The following FAM135A variants were observed in gnomAD, a reference collection of about 807,000 sequenced individuals.
FAM135A encodes protein FAM135A.
Under a neutral mutation model 146.8 loss-of-function variants are expected in FAM135A, and 79 were observed. The observed-to-expected ratio is 0.54, with a 90% CI of 0.45 to 0.65. FAM135A has a LOEUF of 0.65. Ranked by LOEUF, FAM135A falls within the 30% of genes least tolerant of loss-of-function variation. The pLI is 0.00. For missense variants in FAM135A, 1,623 were observed against 1,758.2 expected, an observed-to-expected ratio of 0.92 and a Z score of 1.38; for synonymous variants, 562 against 603.6, an observed-to-expected ratio of 0.93 and a Z score of 1.01.
At chr6:70,537,135 C>G (rs1330635994) in intron 19 of FAM135A, among the ~76,000 whole-genome samples, 2 of 151,986 alleles carry the variant, frequency 1.3e-5, no homozygotes, top group South Asian at 4.1e-4. Flanking sequence ...GGGGTTTCAC[C>G]ATGTTGGCCA....
chr6:70,506,026 AG>A (rs1465803995), intron 12 of FAM135A, among the ~76,000 whole-genome samples: 1 of 152,204 alleles, frequency 6.6e-6, no homozygotes, highest in Non-Finnish European at 1.5e-5. Flanking sequence ...GTAGCAATTT[AG>A]AATGAATAGC....
chr6:70,422,809 A>G (rs2127726719), intron 2 of FAM135A, among the ~76,000 whole-genome samples: 1 of 152,356 alleles, frequency 6.6e-6, no homozygotes, highest in South Asian at 2.1e-4. Context: ...TAAGTTGAGT[A>G]CTATGTGCCA....
At chr6:70,522,214 G>T (rs961607535) in intron 12 of FAM135A, among the ~76,000 whole-genome samples, 1 of 152,166 alleles carries the variant, frequency 6.6e-6, no homozygotes, top group Non-Finnish European at 1.5e-5. Flanking sequence ...ACCACGCCTG[G>T]CCCATAGCTT....
intron 11 of FAM135A, among the ~76,000 whole-genome samples, chr6:70,494,601 A>G (rs1185301188): frequency 6.6e-6 from 1 of 151,966 alleles, no homozygotes; most frequent in African/African-American, 2.4e-5. Context: ...TTTTTAATAT[A>G]AAAAAGAATT....
At chr6:70,496,548 T>C (rs1787319016) in intron 11 of FAM135A, among the ~76,000 whole-genome samples, 1 of 152,208 alleles carries the variant, frequency 6.6e-6, no homozygotes, top group Non-Finnish European at 1.5e-5. Context: ...CCCATTGCTT[T>C]TGGTGTTTTA....
At chr6:70,557,182 G>A (rs1339389749) in intron 21 of FAM135A, 6 of 408,328 alleles carry the variant, frequency 1.5e-5, no homozygotes, top group African/African-American at 2.0e-5. Context: ...GCTGTACCTC[G>A]CTTTTACGCA....
intron 4 of FAM135A, among the ~76,000 whole-genome samples, chr6:70,437,692 T>A (rs558678471): frequency 2.0e-5 from 3 of 152,226 alleles, no homozygotes; most frequent in African/African-American, 7.2e-5. Context: ...CAGAGCACGA[T>A]GGGAGAGAGT....
Position 70,459,930 on chromosome 6 carries a change from C to T in FAM135A, c.157+7359C>T, listed in dbSNP as rs190912649. 3.1e-3 allele frequency among the ~76,000 whole-genome samples: 473 copies of T among 152,230 alleles called. 3 individuals are homozygous for T. Among genetic ancestry groups the T allele is most frequent in the African/African-American group, 0.011 (448 of 41,534 alleles). ...CCTGTAATTCCCGCTACTTGGGAGG[C>T]TGAGGCAAGAGAATCGCTTGAACCT... On this transcript the variant is annotated intron_variant, in intron 5 of 21. Transcript: ENST00000418814.
In FAM135A at chr6:70,556,799, C is replaced by T. The variant is rs1339551338; in HGVS notation, c.4278C>T (p.Arg1426=). 6.2e-7 allele frequency: 1 copy of T among 1,613,928 alleles called. No individual in the cohort carries two copies. ...TGCTAGTGGGATCCCTACAGGATCG[C>T]TATGTTCCTTATCACTCTGCCCGCA... The part of the protein sequence containing the change: ...NVVLVGSLQD[R]YVPYHSARIE... Residue 1426 remains arginine (R), a synonymous_variant, in exon 21 of 22, where the codon CGC becomes CGT. Coordinates refer to ENST00000418814, the MANE Select transcript of FAM135A (RefSeq NM_001162529.3).
intron 18 of FAM135A, chr6:70,536,016 A>G (rs1796726061): frequency 3.0e-6 from 1 of 337,868 alleles, no homozygotes. Flanking sequence ...ACTATGAGTA[A>G]AAGTTTTCAG....
intron 10 of FAM135A, among the ~76,000 whole-genome samples, chr6:70,484,032 G>A (rs886938497): frequency 6.6e-6 from 1 of 152,154 alleles, no homozygotes; most frequent in South Asian, 2.1e-4. Context: ...AAAGAAAAAG[G>A]GTGTAAAGGA....
At chr6:70,421,885 T>C (rs1768933623) in intron 2 of FAM135A, among the ~76,000 whole-genome samples, 1 of 152,212 alleles carries the variant, frequency 6.6e-6, no homozygotes, top group Non-Finnish European at 1.5e-5. Context: ...AGGAGGGTCA[T>C]GAAACTCTTA....
chr6:70,493,908 C>T (rs1328245392), intron 11 of FAM135A, among the ~76,000 whole-genome samples: 3 of 151,838 alleles, frequency 2.0e-5, no homozygotes, highest in Non-Finnish European at 4.4e-5. Flanking sequence ...CAAAAATTAG[C>T]CGGGCATGGT....
chr6:70,481,008 C>T lies in FAM135A; in HGVS notation c.650C>T (p.Thr217Ile), dbSNP rs757035696. Reference protein sequence around the residue: ...LESVVFGINYTKQLSPDGCSF... With the variant: ...LESVVFGINYIKQLSPDGCSF... ...AGTGTGGTCTTTGGTATTAACTACA[C>T]AAAACAGTTATCACCAGATGTAAGA... is the stretch of plus-strand genomic sequence containing the variant. Residue 217 changes from threonine to isoleucine, a missense_variant, in exon 9 of 22, where the codon ACA becomes ATA. Coordinates refer to ENST00000418814, the MANE Select transcript of FAM135A (RefSeq NM_001162529.3). 1 of 1,607,614 alleles carries T rather than the reference C, an allele frequency of 6.2e-7. No individual in the cohort carries two copies. The highest frequency in any genetic ancestry group is 1.1e-5 in the South Asian group (1 of 89,658).
intron 12 of FAM135A, chr6:70,503,181 C>T (rs1788952352): frequency 6.4e-6 from 1 of 157,106 alleles, no homozygotes; most frequent in Non-Finnish European, 1.4e-5. Context: ...TACCACTGAC[C>T]TAATATAGGA....
chr6:70,544,669 A>G (rs1277862235), intron 20 of FAM135A, among the ~76,000 whole-genome samples: 2 of 152,120 alleles, frequency 1.3e-5, no homozygotes. Flanking sequence ...TGAACCAGGG[A>G]TGTGGAGGCT....
chr6:70,433,388 T>C (rs77408282), intron 4 of FAM135A, among the ~76,000 whole-genome samples: 19,135 of 152,096 alleles, frequency 0.13, 1,480 homozygotes, highest in Middle Eastern at 0.19. Flanking sequence ...AGATACTTTT[T>C]AACATGAAAG....
rs1788862860 is a variant in FAM135A at position 70,502,752 on chromosome 6, A to T, written c.990A>T (p.Glu330Asp). ...QFLEVITLHE[E>D]LRILLAQEHH... ...TGGAAGTTATAACGCTACACGAAGAACTAAGAATATTATTAGCACAAGAGC... is the reference window on the plus strand; with the variant it reads ...TGGAAGTTATAACGCTACACGAAGATCTAAGAATATTATTAGCACAAGAGC... Residue 330 changes from glutamate to aspartate, a missense_variant, in exon 12 of 22, where the codon GAA (glutamate) becomes GAT (aspartate). Physicochemically the swap from Glu to Asp is conservative, Grantham distance 45. This residue lies in a region of FAM135A where 206 missense variants were observed against 194.7 expected (regional missense o/e 1.06). Transcript: ENST00000418814. The T allele has an allele frequency of 6.2e-7, 1 of 1,612,822 alleles. No homozygotes were observed. The highest frequency in any genetic ancestry group is 1.7e-5 in the Admixed American group (1 of 59,984).
At position 70,509,333 on chromosome 6, in the gene FAM135A, C is replaced by A. The variant is rs559499309; in HGVS notation, c.1029+6542C>A. On this transcript the variant is annotated intron_variant, in intron 12 of 21. Transcript: ENST00000418814. ...GGAACTCTGCTTCTATGAGGTTAGC[C>A]TCTTTTATTCTTTGACTAACATCTC... Among the ~76,000 whole-genome samples, 93 of 152,204 alleles carry A rather than the reference C, an allele frequency of 6.1e-4. 1 individual carries two copies. Among genetic ancestry groups the A allele is most frequent in the Non-Finnish European group, 1.1e-3 (77 of 67,996 alleles).
Sources: gnomAD v4.1 joint callset for allele counts (sites outside exome capture counted in the v4.1 genomes callset) on GRCh38, gnomAD v4.1.1 for gene constraint, gnomAD v4.1.1 regional missense constraint, MANE v1.5 for transcripts, NCBI Gene and HGNC (gene_info 2026-07-23, HGNC 2026-07-21) for gene names.